The following ABCG2 variants were observed in gnomAD, a reference collection of about 807,000 sequenced individuals.
ABCG2 encodes the protein broad substrate specificity ATP-binding cassette transporter ABCG2.
ABCG2 carries 80 observed loss-of-function variants against 73.5 expected under a neutral mutation model. The ratio of observed to expected loss-of-function variants is 1.09; its 90% confidence interval spans 0.91 to 1.31. The LOEUF (loss-of-function observed/expected upper bound fraction) is 1.31, where lower values mean the gene tolerates loss of function less well. Ranked by LOEUF, ABCG2 falls within the 50% of genes most tolerant of loss-of-function variation. The pLI is 0.00. For synonymous variants in ABCG2, 269 were observed against 282.4 expected (o/e 0.95, Z 0.48); for missense variants, 796 against 786.2 (o/e 1.01, Z -0.15).
chr4:88,209,264 G>T (rs9998817), intron 1 of ABCG2, among the ~76,000 whole-genome samples: 137,853 of 145,242 alleles, frequency 0.95, 65,832 homozygotes, highest in East Asian at 1. Context: ...GAGCAGAGAT[G>T]GCACCACTGC....
At chr4:88,131,981 T>A in intron 3 of ABCG2, 64 bp from the exon 4 acceptor site, 1 of 1,242,174 alleles carries the variant, frequency 8.1e-7, no homozygotes, top group Non-Finnish European at 1.2e-6. Flanking sequence ...GTTGTGGGGT[T>A]TTTTTCCCTC....
chr4:88,154,603 G>A (rs2110077728), intron 1 of ABCG2, among the ~76,000 whole-genome samples: 1 of 152,274 alleles, frequency 6.6e-6, no homozygotes, highest in Non-Finnish European at 1.5e-5. Flanking sequence ...TTCAGGGTGA[G>A]GAACAGGAAA....
chr4:88,099,953 A>G lies in ABCG2; in HGVS notation c.1368-505T>C, dbSNP rs374520226. ...CTTCTACTCCCAAGTTAAAAAAAGA[A>G]AAAGACTTCTTCTTTCAATGATCAT... On this transcript the variant is annotated intron_variant, in intron 11 of 15. Transcript: ENST00000237612. Among the ~76,000 whole-genome samples the G allele has an allele frequency of 1.3e-4, 20 of 152,252 alleles. No homozygotes were observed. In the East Asian group the frequency reaches 2.1e-3, roughly 16 times the overall value.
chr4:88,169,535 A>G (rs1488518427), intron 1 of ABCG2, among the ~76,000 whole-genome samples: 1 of 152,104 alleles, frequency 6.6e-6, no homozygotes, highest in Admixed American at 6.6e-5. Flanking sequence ...AATACACCCT[A>G]AAGTGTTAGA....
intron 1 of ABCG2, among the ~76,000 whole-genome samples, chr4:88,230,543 G>A (rs1730426131): frequency 6.6e-6 from 1 of 151,686 alleles, no homozygotes; most frequent in African/African-American, 2.4e-5. Flanking sequence ...CTCTCACTTA[G>A]GGGTAATCTG....
intron 9 of ABCG2, among the ~76,000 whole-genome samples, chr4:88,111,442 G>A (rs1459421625): frequency 6.6e-6 from 1 of 151,938 alleles, no homozygotes; most frequent in Non-Finnish European, 1.5e-5. Flanking sequence ...GTTCAACTAG[G>A]GATACAAGCT....
chr4:88,212,871 A>C (rs1215934651), intron 1 of ABCG2, among the ~76,000 whole-genome samples: 1 of 152,162 alleles, frequency 6.6e-6, no homozygotes, highest in Non-Finnish European at 1.5e-5. Context: ...AAAACACATA[A>C]GAATAATAAA....
At chr4:88,118,745 C>T (rs1480391979) in intron 6 of ABCG2, among the ~76,000 whole-genome samples, 1 of 152,188 alleles carries the variant, frequency 6.6e-6, no homozygotes, top group African/African-American at 2.4e-5. Context: ...ATTAACATAA[C>T]TGAGTACTTA....
rs577059459 is a variant in ABCG2 at position 88,127,558 on chromosome 4, C to T, written c.531+3503G>A. ...CTACAGTAGCCAAAACAGCATGGTA[C>T]TGGTACCAAAACAGATATATAGACC... On this transcript the variant is annotated intron_variant, in intron 5 of 15. Transcript: ENST00000237612. 2.0e-5 allele frequency among the ~76,000 whole-genome samples: 3 copies of T among 152,246 alleles called. No homozygotes were observed. In the East Asian group the frequency reaches 5.8e-4, roughly 29 times the overall value.
At chr4:88,199,710 T>C (rs956614115) in intron 1 of ABCG2, among the ~76,000 whole-genome samples, 40 of 152,224 alleles carry the variant, frequency 2.6e-4, no homozygotes, top group African/African-American at 9.4e-4. Flanking sequence ...GTTATTTTAC[T>C]TTATTTAGGC....
intron 1 of ABCG2, among the ~76,000 whole-genome samples, chr4:88,142,725 T>G (rs376991585): frequency 6.6e-6 from 1 of 152,100 alleles, no homozygotes; most frequent in East Asian, 1.9e-4. Flanking sequence ...GGCAGGCAGA[T>G]CACTTGAACG....
At chr4:88,131,415 T>C (rs1035437423) in intron 4 of ABCG2, among the ~76,000 whole-genome samples, 5 of 152,128 alleles carry the variant, frequency 3.3e-5, no homozygotes, top group African/African-American at 7.2e-5. Context: ...TCACCCCCTA[T>C]CTGTACACCC....
At chr4:88,141,361 G>T (rs13137622) in intron 1 of ABCG2, among the ~76,000 whole-genome samples, 50,088 of 151,882 alleles carry the variant, frequency 0.33, 9,057 homozygotes, top group African/African-American at 0.46. Flanking sequence ...TACACACCTG[G>T]GGCACAGCTC....
In ABCG2 at chr4:88,230,324, C is replaced by T. The variant is rs1264374806; in HGVS notation, c.-20+670G>A. ...ATATATATATTTTTTTTTTTGGCCA[C>T]ATATATATATATATATATATATTTT... is the stretch of plus-strand genomic sequence containing the variant. On this transcript the variant is annotated intron_variant, in intron 1 of 15. Transcript: ENST00000515655. 3.5e-3 allele frequency among the ~76,000 whole-genome samples: 425 copies of T among 120,562 alleles called. 2 individuals carry two copies. Among genetic ancestry groups the T allele is most frequent in the South Asian group, 5.6e-3 (20 of 3,594 alleles). 79.1% of individuals were successfully genotyped at this position (120,562 alleles called of 152,430 possible). A position where few individuals can be genotyped will look rare whatever the true frequency, so the allele number is the denominator to read the frequency against.
At chr4:88,110,090 C>T (rs575222176) in intron 9 of ABCG2, among the ~76,000 whole-genome samples, 4 of 152,104 alleles carry the variant, frequency 2.6e-5, no homozygotes, top group Non-Finnish European at 4.4e-5. Context: ...GTTAGGACTA[C>T]AGACATGCAC....
intron 1 of ABCG2, among the ~76,000 whole-genome samples, chr4:88,225,570 T>A (rs1404022564): frequency 6.6e-6 from 1 of 152,170 alleles, no homozygotes; most frequent in Non-Finnish European, 1.5e-5. Context: ...GAGCTGGGGC[T>A]GGGGCTCCAT....
chr4:88,205,923 C>T (rs1315050388), intron 1 of ABCG2, among the ~76,000 whole-genome samples: 1 of 151,932 alleles, frequency 6.6e-6, no homozygotes, highest in Non-Finnish European at 1.5e-5. Context: ...CCTCATGATC[C>T]GCCTGCCTCG....
upstream of ABCG2, among the ~76,000 whole-genome samples, chr4:88,160,112 G>A (rs1253994980): frequency 6.6e-6 from 1 of 151,764 alleles, no homozygotes; most frequent in East Asian, 1.9e-4. Flanking sequence ...GTGTGGTGGC[G>A]AGGCTGTAAT....
intron 1 of ABCG2, among the ~76,000 whole-genome samples, chr4:88,176,070 T>C (rs1191193127): frequency 2.6e-5 from 4 of 152,198 alleles, no homozygotes; most frequent in Non-Finnish European, 5.9e-5. Context: ...TTTCTCCTGA[T>C]GTATTGATAG....
Sources: allele counts gnomAD v4.1 joint callset (sites outside exome capture counted in the v4.1 genomes callset), GRCh38; gene constraint gnomAD v4.1.1; transcripts MANE v1.5; gene names NCBI Gene and HGNC (gene_info 2026-07-23, HGNC 2026-07-21).